Variants in DMD observed in about 807,000 individuals in gnomAD.
DMD encodes mutant dystrophin.
DMD carries 63 observed loss-of-function variants against 330.1 expected under a neutral mutation model. The ratio of observed to expected loss-of-function variants is 0.19; its 90% CI spans 0.16 to 0.24. DMD has a LOEUF of 0.24. DMD is among the 10% of genes least tolerant of loss of function. The pLI, the probability that DMD is intolerant of heterozygous loss-of-function variation, is 1.00. For synonymous variants in DMD, 1,223 were observed against 959.8 expected (o/e 1.27, Z -5.07); for missense variants, 3,344 against 2,684.1 (o/e 1.25, Z -5.43).
At chrX:31,339,310 G>C (rs889216641) in intron 61 of DMD, among the ~76,000 whole-genome samples, 14 of 111,656 alleles carry the variant, frequency 1.3e-4, no homozygotes, top group African/African-American at 3.3e-4. Flanking sequence ...ATTTTAAGAA[G>C]AGAATATAAT....
At chrX:32,372,930 G>C (rs983429661) in intron 34 of DMD, among the ~76,000 whole-genome samples, 4 of 109,987 alleles carry the variant, frequency 3.6e-5, no homozygotes, top group Non-Finnish European at 7.6e-5. Flanking sequence ...TGGAAACATG[G>C]TCACAGGGTA....
intron 48 of DMD, among the ~76,000 whole-genome samples, chrX:31,851,434 G>C (rs747887142): frequency 5.4e-5 from 6 of 112,053 alleles, no homozygotes; most frequent in Middle Eastern, 4.7e-3. Context: ...AATGTTCAAG[G>C]CCAGTGAAAG....
intron 25 of DMD, among the ~76,000 whole-genome samples, chrX:32,461,856 G>A (rs779963443): frequency 1.5e-4 from 17 of 109,948 alleles, no homozygotes; most frequent in Non-Finnish European, 3.0e-4. Flanking sequence ...CTTACTTCAG[G>A]AGAAGAATGT....
chrX:32,272,646 C>T (rs2097369647), intron 43 of DMD, among the ~76,000 whole-genome samples: 1 of 111,593 alleles, frequency 9.0e-6, no homozygotes, highest in African/African-American at 3.3e-5. Context: ...CATGTGTGAG[C>T]TTAAGACAAT....
upstream of DMD, among the ~76,000 whole-genome samples, chrX:33,213,189 G>T (rs991952112): frequency 5.4e-5 from 6 of 111,405 alleles, no homozygotes; most frequent in African/African-American, 2.0e-4. Context: ...ACCCTAAAGT[G>T]TATGTTTCTA....
At chrX:31,137,011 C>T (rs1271372202) in intron 76 of DMD, among the ~76,000 whole-genome samples, 1 of 110,914 alleles carries the variant, frequency 9.0e-6, no homozygotes, top group African/African-American at 3.3e-5. Context: ...TAATGCATTG[C>T]TTTTTTTCTC....
chrX:32,829,346 TATCTC>T (rs1236383515), intron 4 of DMD, among the ~76,000 whole-genome samples: 1 of 111,922 alleles, frequency 8.9e-6, no homozygotes, highest in African/African-American at 3.2e-5. Flanking sequence ...CACTTATTCT[TATCTC>T]AATTTTAGTG....
chrX:31,156,591 A>T (rs1225893181), intron 74 of DMD, among the ~76,000 whole-genome samples: 2 of 111,718 alleles, frequency 1.8e-5, no homozygotes, highest in Non-Finnish European at 3.8e-5. Context: ...GCACTAATTC[A>T]GTTATGAGGA....
At chrX:31,619,569 A>G (rs759780588) in intron 55 of DMD, among the ~76,000 whole-genome samples, 30 of 111,876 alleles carry the variant, frequency 2.7e-4, no homozygotes, top group Non-Finnish European at 5.3e-4. Flanking sequence ...GATCCTCACA[A>G]AAGCTCTGCG....
chrX:32,016,626 T>C (rs867192592), intron 44 of DMD, among the ~76,000 whole-genome samples: 2 of 112,449 alleles, frequency 1.8e-5, no homozygotes, highest in Non-Finnish European at 3.7e-5. Flanking sequence ...CTTGCTAGTG[T>C]TTCCAAGATA....
At chrX:33,026,430 GA>G (rs1285083047) in intron 1 of DMD, among the ~76,000 whole-genome samples, 17 of 105,344 alleles carry the variant, frequency 1.6e-4, no homozygotes, top group African/African-American at 5.2e-4. Context: ...TCAAACATGA[GA>G]AAAAAATGAA....
At chrX:32,777,957 A>C (rs1184928140) in intron 7 of DMD, among the ~76,000 whole-genome samples, 1 of 112,326 alleles carries the variant, frequency 8.9e-6, no homozygotes, top group Non-Finnish European at 1.9e-5. Context: ...GAGCACATTC[A>C]TTTAACCATA....
chrX:31,182,713 A>T, intron 68 of DMD, 25 bp downstream of exon 68: 1 of 1,090,540 alleles, frequency 9.2e-7, no homozygotes. Context: ...GAAAAAAATG[A>T]CATTTTTTTT....
At chrX:31,460,685 A>T (rs1482335250) in intron 59 of DMD, among the ~76,000 whole-genome samples, 1 of 111,492 alleles carries the variant, frequency 9.0e-6, no homozygotes, top group Non-Finnish European at 1.9e-5. Flanking sequence ...GTGCTCAAAC[A>T]GTCCTCCTGC....
intron 13 of DMD, among the ~76,000 whole-genome samples, chrX:32,577,383 G>C (rs1332663139): frequency 8.9e-6 from 1 of 112,140 alleles, no homozygotes; most frequent in Non-Finnish European, 1.9e-5. Flanking sequence ...CCCTCACAAA[G>C]GAGTAATACA....
chrX:33,135,705 T>C (rs2095522714), intron 1 of DMD, among the ~76,000 whole-genome samples: 1 of 112,048 alleles, frequency 8.9e-6, no homozygotes, highest in Non-Finnish European at 1.9e-5. Flanking sequence ...TATAATGGCA[T>C]TGTGACCCTG....
chrX:32,057,050 G>A (rs915870606), intron 44 of DMD, among the ~76,000 whole-genome samples: 4 of 110,950 alleles, frequency 3.6e-5, no homozygotes, highest in Admixed American at 9.6e-5. Flanking sequence ...CAGAAAAAGC[G>A]CTTAACAAGT....
intron 9 of DMD, among the ~76,000 whole-genome samples, chrX:32,664,613 T>C (rs2061186561): frequency 8.9e-6 from 1 of 112,020 alleles, no homozygotes; most frequent in African/African-American, 3.3e-5. Context: ...CTCAAAGATG[T>C]TCATTTGGGG....
At chrX:31,974,837 T>C (rs2095424337) in intron 44 of DMD, among the ~76,000 whole-genome samples, 1 of 110,781 alleles carries the variant, frequency 9.0e-6, no homozygotes, top group East Asian at 2.8e-4. Context: ...TAATGGGACA[T>C]TTACCTAATA....
Sources: gnomAD v4.1 joint callset for allele counts (sites outside exome capture counted in the v4.1 genomes callset) on GRCh38, gnomAD v4.1.1 for gene constraint, MANE v1.5 for transcripts, NCBI Gene and HGNC (gene_info 2026-07-23, HGNC 2026-07-21) for gene names.